The following PAG1 variants were observed in gnomAD, a reference collection of about 807,000 sequenced individuals.
PAG1 encodes the protein phosphoprotein associated with glycosphingolipid-enriched microdomains 1.
A neutral mutation model predicts 31.7 loss-of-function variants in PAG1; 23 were observed. That is an observed-to-expected ratio of 0.73 (90% confidence interval 0.52 to 1.03). The LOEUF (loss-of-function observed/expected upper bound fraction) is 1.03, where lower values mean the gene tolerates loss of function less well. Ranked by LOEUF, PAG1 falls within the 50% of genes least tolerant of loss-of-function variation. PAG1 has a pLI of 0.00. For missense variants in PAG1, 473 were observed against 540.7 expected (o/e 0.87, Z 1.24); for synonymous variants, 214 against 210.3 (o/e 1.02, Z -0.15).
intron 7 of PAG1, among the ~76,000 whole-genome samples, chr8:80,982,667 T>C (rs1030149030): frequency 7.2e-5 from 11 of 152,192 alleles, no homozygotes; most frequent in Non-Finnish European, 1.5e-5. Flanking sequence ...GTATCTCAAG[T>C]TGAACGTACC....
At chr8:81,040,726 C>T (rs1176034809) in intron 2 of PAG1, 2 of 151,980 alleles carry the variant, frequency 1.3e-5, no homozygotes, top group Non-Finnish European at 2.9e-5. Flanking sequence ...ATGTATACCC[C>T]ATGTTTTACT....
intron 2 of PAG1, among the ~76,000 whole-genome samples, chr8:81,045,324 T>C (rs771086060): frequency 1.3e-4 from 20 of 152,218 alleles, no homozygotes; most frequent in Non-Finnish European, 2.8e-4. Context: ...TGACATTCAT[T>C]CTTCTGGTCA....
At chr8:80,983,855 T>C (rs1393499963) in intron 7 of PAG1, among the ~76,000 whole-genome samples, 2 of 152,210 alleles carry the variant, frequency 1.3e-5, no homozygotes, top group Admixed American at 6.5e-5. Context: ...ATTGGTGCTC[T>C]CAACAGCTGA....
chr8:81,016,823 T>G (rs929056249), intron 3 of PAG1, among the ~76,000 whole-genome samples: 3 of 152,224 alleles, frequency 2.0e-5, no homozygotes, highest in Admixed American at 1.3e-4. Flanking sequence ...AGTGATGGTG[T>G]GCCCATTCTC....
intron 1 of PAG1, among the ~76,000 whole-genome samples, chr8:81,073,909 G>T (rs1437110840): frequency 6.6e-6 from 1 of 152,072 alleles, no homozygotes; most frequent in Non-Finnish European, 1.5e-5. Context: ...CCTGAAGGTG[G>T]GGGGGAGGCA....
chr8:80,983,322 C>T (rs1807346034), intron 7 of PAG1, among the ~76,000 whole-genome samples: 1 of 152,206 alleles, frequency 6.6e-6, no homozygotes, highest in South Asian at 2.1e-4. Context: ...CTGTACTCCC[C>T]ACCTGTTTTC....
intron 8 of PAG1, among the ~76,000 whole-genome samples, chr8:80,978,508 C>T (rs927362872): frequency 2.0e-5 from 3 of 152,194 alleles, no homozygotes; most frequent in Non-Finnish European, 2.9e-5. Flanking sequence ...CTGGTAACAT[C>T]AAGGAGGACA....
chr8:81,005,610 G>A (rs911138744), intron 3 of PAG1, among the ~76,000 whole-genome samples: 3 of 152,222 alleles, frequency 2.0e-5, no homozygotes, highest in African/African-American at 7.2e-5. Context: ...CTCTAGTAGA[G>A]ACACAACAAT....
At chr8:81,042,006 CTTG>C (rs1808561478) in intron 2 of PAG1, among the ~76,000 whole-genome samples, 1 of 152,196 alleles carries the variant, frequency 6.6e-6, no homozygotes. Flanking sequence ...TACCAAACTT[CTTG>C]TTGTTCAAAT....
intron 1 of PAG1, among the ~76,000 whole-genome samples, chr8:81,096,358 TA>T (rs950323219): frequency 6.6e-6 from 1 of 152,026 alleles, no homozygotes; most frequent in Non-Finnish European, 1.5e-5. Flanking sequence ...GATCACTTTA[TA>T]AAAAAGGCTA....
intron 1 of PAG1, among the ~76,000 whole-genome samples, chr8:81,096,569 G>T (rs546617642): frequency 1.3e-5 from 2 of 152,164 alleles, no homozygotes; most frequent in African/African-American, 2.4e-5. Context: ...CATCTTTCTT[G>T]CAAGTGAAAA....
At chr8:81,033,326 T>C (rs1490471265) in intron 2 of PAG1, among the ~76,000 whole-genome samples, 3 of 152,190 alleles carry the variant, frequency 2.0e-5, no homozygotes, top group South Asian at 2.1e-4. Context: ...CTGGGACAAC[T>C]TGAGTATAAT....
chr8:81,051,597 T>A (rs183572572), intron 2 of PAG1, among the ~76,000 whole-genome samples: 10 of 151,676 alleles, frequency 6.6e-5, no homozygotes, highest in African/African-American at 2.4e-4. Context: ...AAAAGGAGGG[T>A]TTTTACATTC....
rs1167379849 is a variant in PAG1 at position 80,969,575 on chromosome 8, G to A, written c.*6969C>T. ...CATGACAACAAGATAGTTCTGAACT[G>A]TAGGCTCTAGGGAGCAACTGGTCCT... On this transcript the variant is annotated 3_prime_UTR_variant, in exon 9 of 9. Coordinates refer to ENST00000220597, the MANE Select transcript of PAG1 (RefSeq NM_018440.4). 1.3e-5 allele frequency: 2 copies of A among 152,226 alleles called. No individual in the cohort carries two copies. The highest frequency in any genetic ancestry group is 4.8e-5 in the African/African-American group (2 of 41,454). The allele number at this position is 152,226 out of a possible 1,614,324, so 9.4% of individuals were successfully genotyped here.
chr8:80,976,992 C>T (rs560029691), intron 8 of PAG1, 86 bp from the exon 9 acceptor site: 3 of 1,283,540 alleles, frequency 2.3e-6, no homozygotes, highest in Middle Eastern at 2.2e-4. Context: ...ACTGAGCACT[C>T]CTGGGTTTCT....
intron 3 of PAG1, among the ~76,000 whole-genome samples, chr8:81,017,399 G>A (rs187006080): frequency 1.0e-3 from 157 of 152,288 alleles, no homozygotes; most frequent in African/African-American, 3.2e-3. Context: ...TACTTAGCAG[G>A]TGCGCTCAAT....
intron 3 of PAG1, among the ~76,000 whole-genome samples, chr8:81,028,914 G>C (rs1405990331): frequency 1.3e-5 from 2 of 152,170 alleles, no homozygotes; most frequent in Admixed American, 6.5e-5. Context: ...GAGGACCGAG[G>C]AGGAAAACAG....
chr8:80,970,943 G>GC lies in PAG1; in HGVS notation c.*5600dup, dbSNP rs1250639222. On this transcript the variant is annotated 3_prime_UTR_variant, in exon 9 of 9. Transcript: ENST00000220597. ...CAGATACAGAAGGCTGAGTGGGGAA[G>GC]CGACCCAGGGGTATTGCCACACAAA... The GC allele has an allele frequency of 6.5e-6, 1 of 152,766 alleles. No homozygotes were observed. The highest frequency in any genetic ancestry group is 1.9e-4 in the East Asian group (1 of 5,200). The allele number at this position is 152,766 out of a possible 1,614,324, so 9.5% of individuals were successfully genotyped here.
Position 80,976,348 on chromosome 8 carries a change from A to C in PAG1, c.*196T>G. On this transcript the variant is annotated 3_prime_UTR_variant, in exon 9 of 9. Coordinates refer to ENST00000220597, the MANE Select transcript of PAG1 (RefSeq NM_018440.4). ...CTGTCCATCTGGCAGGCAGGGGCAC[A>C]CTCAGGTGCAGCCTAGTCCGTACCT... 3.6e-6 allele frequency: 2 copies of C among 563,052 alleles called. No individual in the cohort carries two copies. Among genetic ancestry groups the C allele is most frequent in the South Asian group, 4.7e-5 (2 of 42,568 alleles). The allele number at this position is 563,052 out of a possible 1,614,324, so 34.9% of individuals were successfully genotyped here.
Sources: allele counts gnomAD v4.1 joint callset (sites outside exome capture counted in the v4.1 genomes callset), GRCh38; gene constraint gnomAD v4.1.1; transcripts MANE v1.5; gene names NCBI Gene and HGNC (gene_info 2026-07-23, HGNC 2026-07-21).